Variants in PRDM1 observed in about 807,000 individuals in gnomAD.
PRDM1 encodes PR/SET domain 1.
In PRDM1, 13 loss-of-function variants were observed where a neutral mutation model predicts 62.8. That is an observed-to-expected ratio of 0.21 (90% CI 0.13 to 0.33). The LOEUF is 0.33. Ranked by LOEUF, PRDM1 falls within the 10% of genes least tolerant of loss-of-function variation. The pLI is 1.00. For synonymous variants in PRDM1, 396 were observed against 417.6 expected, an observed-to-expected ratio of 0.95 and a Z score of 0.63; for missense variants, 895 against 1,058.8, an observed-to-expected ratio of 0.85 and a Z score of 2.15.
intron 1 of PRDM1, among the ~76,000 whole-genome samples, chr6:106,033,641 T>A (rs1437757169): frequency 6.6e-6 from 1 of 152,132 alleles, no homozygotes; most frequent in African/African-American, 2.4e-5. Context: ...GCTGTTGAAT[T>A]CATTTGCTAG....
chr6:106,081,233 C>T (rs1042060367), intron 1 of PRDM1, among the ~76,000 whole-genome samples: 5 of 152,268 alleles, frequency 3.3e-5, no homozygotes, highest in Admixed American at 1.3e-4. Context: ...CTTCTGGTGT[C>T]ACCACCGGTT....
chr6:105,995,444 A>AG (rs1253134168), intron 1 of PRDM1, among the ~76,000 whole-genome samples: 4 of 152,264 alleles, frequency 2.6e-5, no homozygotes, highest in Non-Finnish European at 5.9e-5. Context: ...AGGAAACAAA[A>AG]GGAAAAGGTG....
intron 1 of PRDM1, among the ~76,000 whole-genome samples, chr6:106,076,976 T>C (rs1051202061): frequency 3.3e-5 from 5 of 152,228 alleles, no homozygotes; most frequent in African/African-American, 9.6e-5. Context: ...ACAAGAACTG[T>C]GTAAGTCACT....
intron 2 of PRDM1, among the ~76,000 whole-genome samples, chr6:106,093,956 C>A (rs557185755): frequency 1.3e-5 from 2 of 151,836 alleles, no homozygotes; most frequent in African/African-American, 4.8e-5. Flanking sequence ...ATATTGAATA[C>A]TAAATTGTTT....
intron 1 of PRDM1, among the ~76,000 whole-genome samples, chr6:106,041,299 G>T (rs1258188927): frequency 6.6e-6 from 1 of 152,098 alleles, no homozygotes; most frequent in Non-Finnish European, 1.5e-5. Context: ...TTTTCACATT[G>T]TTCAAAGGTT....
chr6:106,053,680 G>T (rs1340571671), intron 1 of PRDM1, among the ~76,000 whole-genome samples: 1 of 152,108 alleles, frequency 6.6e-6, no homozygotes, highest in Non-Finnish European at 1.5e-5. Flanking sequence ...AGGCTCACTT[G>T]CTCTCCTTGG....
chr6:106,105,187 C>G lies in PRDM1; in HGVS notation c.1027C>G (p.Pro343Ala). 1 of 1,613,544 alleles carries G rather than the reference C, an allele frequency of 6.2e-7. No homozygotes were observed. The highest frequency in any genetic ancestry group is 8.5e-7 in the Non-Finnish European group (1 of 1,179,910). Residue 343 changes from proline (P) to alanine (A), a missense_variant, in exon 5 of 7, where the codon CCC becomes GCC. Physicochemically the swap from Pro to Ala is conservative, Grantham distance 27 (BLOSUM62 -1). This residue lies in a region of PRDM1 where 444 missense variants were observed against 422.7 expected (regional missense o/e 1.05). Coordinates refer to ENST00000369096, the MANE Select transcript of PRDM1 (RefSeq NM_001198.4). The stretch of plus-strand genomic sequence containing the variant: ...TCCAAGCCCCTCTGCAAGAAGCAGC[C>G]CCGACCAAAGCCTCAAGAGCTCCAG... ...TTPSPSARSS[P>A]DQSLKSSSPH...
chr6:106,010,988 T>G (rs1772538292), intron 1 of PRDM1, among the ~76,000 whole-genome samples: 1 of 152,172 alleles, frequency 6.6e-6, no homozygotes, highest in Admixed American at 6.5e-5. Flanking sequence ...CTGCAGCCAC[T>G]GAGTAGCAGC....
intron 1 of PRDM1, among the ~76,000 whole-genome samples, chr6:106,015,531 A>G (rs1772608333): frequency 6.6e-6 from 1 of 152,054 alleles, no homozygotes; most frequent in African/African-American, 2.4e-5. Flanking sequence ...TTGCTAAAGA[A>G]ACACTAGAAG....
At chr6:106,096,984 G>A (rs994961857) in intron 3 of PRDM1, among the ~76,000 whole-genome samples, 5 of 152,030 alleles carry the variant, frequency 3.3e-5, no homozygotes, top group African/African-American at 4.8e-5. Context: ...TATATCGTTC[G>A]GACAAGAAGC....
Position 106,105,707 on chromosome 6 carries a change from C to G in PRDM1, c.1547C>G (p.Ser516Cys), listed in dbSNP as rs755787471. The G allele has an allele frequency of 6.2e-7, 1 of 1,613,794 alleles. No homozygotes were observed. Among genetic ancestry groups the G allele is most frequent in the East Asian group, 2.2e-5 (1 of 44,890 alleles). ...KDKACSPTSG[S>C]PTAGTAATAE... ...AAGGCCTGTAGCCCCACAAGCGGGT[C>G]TCCCACGGCGGGAACAGCCGCCACG... Residue 516 changes from serine (S) to cysteine (C), a missense_variant, in exon 5 of 7, where the codon TCT becomes TGT. By Grantham distance (112) the Ser-to-Cys change is moderately radical (BLOSUM62 -1). Around this residue, in one of 4 missense-constraint regions of PRDM1, gnomAD observed 444 missense variants for 422.7 expected, o/e 1.05. Coordinates refer to ENST00000369096, the MANE Select transcript of PRDM1 (RefSeq NM_001198.4).
chr6:106,038,161 T>C (rs1772947490), intron 1 of PRDM1, among the ~76,000 whole-genome samples: 1 of 151,672 alleles, frequency 6.6e-6, no homozygotes, highest in Admixed American at 6.6e-5. Flanking sequence ...ATTTTTCTAT[T>C]TTTAGTAGAC....
chr6:106,086,877 T>C (rs1476699593), intron 1 of PRDM1, among the ~76,000 whole-genome samples: 2 of 152,198 alleles, frequency 1.3e-5, no homozygotes, highest in Non-Finnish European at 2.9e-5. Flanking sequence ...TTCTATTTTA[T>C]TTTATTTTTA....
At chr6:106,000,795 TTATC>T (rs1772416735) in intron 1 of PRDM1, among the ~76,000 whole-genome samples, 1 of 152,182 alleles carries the variant, frequency 6.6e-6, no homozygotes, top group South Asian at 2.1e-4. Context: ...CATTATTAAT[TTATC>T]TATTTTATAA....
chr6:106,090,957 G>A (rs1350642955), intron 2 of PRDM1, among the ~76,000 whole-genome samples: 2 of 150,690 alleles, frequency 1.3e-5, no homozygotes, highest in African/African-American at 4.9e-5. Context: ...ATTGGGTTTA[G>A]AATCATTCTG....
At chr6:106,053,458 AAC>A (rs1371047886) in intron 1 of PRDM1, among the ~76,000 whole-genome samples, 2 of 152,076 alleles carry the variant, frequency 1.3e-5, no homozygotes, top group African/African-American at 4.8e-5. Context: ...AAAAAGAAAA[AAC>A]ACAGTTGAGA....
chr6:106,095,309 GT>G (rs1428707986), intron 2 of PRDM1, among the ~76,000 whole-genome samples: 1 of 152,146 alleles, frequency 6.6e-6, no homozygotes, highest in Non-Finnish European at 1.5e-5. Flanking sequence ...AAAGAGAATG[GT>G]TATATTCGCT....
rs1774562857 is a variant in PRDM1 at position 106,108,217 on chromosome 6, T to G, written c.*731T>G. 4.3e-6 allele frequency: 1 copy of G among 233,544 alleles called. No individual in the cohort carries two copies. The highest frequency in any genetic ancestry group is 8.5e-6 in the Non-Finnish European group (1 of 117,988). The allele number at this position is 233,544 out of a possible 1,614,324, so 14.5% of individuals were successfully genotyped here. ...GAAAGGGAATCTTGTATATTTTTGT[T>G]GATAGTTCATGTTTTTCCCCCAGCC... On this transcript the variant is annotated 3_prime_UTR_variant, in exon 7 of 7. Transcript: ENST00000369096.
At position 106,108,290 on chromosome 6, in the gene PRDM1, C is replaced by T. The variant is rs776528218; in HGVS notation, c.*804C>T. 4.3e-6 allele frequency: 1 copy of T among 233,718 alleles called. No homozygotes were observed. Among genetic ancestry groups the T allele is most frequent in the Non-Finnish European group, 8.5e-6 (1 of 118,012 alleles). 14.5% of individuals were successfully genotyped at this position (233,718 alleles called of 1,614,324 possible). ...AGGAAGGCTTTACCAACCTGTCTCT[C>T]CCTCCAAAAGAGCAGAATCCTCCCA... On this transcript the variant is annotated 3_prime_UTR_variant, in exon 7 of 7. Coordinates refer to ENST00000369096, the MANE Select transcript of PRDM1 (RefSeq NM_001198.4).
Sources: gnomAD v4.1 joint callset for allele counts (sites outside exome capture counted in the v4.1 genomes callset) on GRCh38, gnomAD v4.1.1 for gene constraint, gnomAD v4.1.1 regional missense constraint, MANE v1.5 for transcripts, NCBI Gene and HGNC (gene_info 2026-07-23, HGNC 2026-07-21) for gene names.